Variants in IVD observed in about 807,000 individuals in gnomAD.
The protein encoded by IVD is isovaleryl-CoA dehydrogenase, mitochondrial.
A neutral mutation model predicts 51.3 loss-of-function variants in IVD; 31 were observed. That is an observed-to-expected ratio of 0.60 (90% confidence interval 0.45 to 0.81). IVD has a LOEUF of 0.81. Among genes scored for constraint, IVD ranks in the 40% least tolerant of loss-of-function variants. The probability of loss-of-function intolerance (pLI) is 0.00; values close to 1 mark genes in which losing one functional copy is unlikely to be tolerated. For missense variants in IVD, 475 were observed against 552.0 expected (o/e 0.86, Z 1.40); for synonymous variants, 205 against 219.4 (o/e 0.93, Z 0.58).
At chr15:40,427,472 C>T (rs1410108919), downstream of IVD, among the ~76,000 whole-genome samples, 3 of 152,168 alleles carry the variant, frequency 2.0e-5, no homozygotes, top group Non-Finnish European at 4.4e-5. Flanking sequence ...TGCACATCTG[C>T]CTGGGTTCCC....
At chr15:40,422,914 ATTTG>A (rs1892442600), downstream of IVD, among the ~76,000 whole-genome samples, 4 of 149,998 alleles carry the variant, frequency 2.7e-5, no homozygotes, top group Admixed American at 6.7e-5. Context: ...CAGGATTTTT[ATTTG>A]TTTGTTTATT....
Position 40,419,263 on chromosome 15 carries a change from C to A in IVD, c.*1000C>A. On this transcript the variant is annotated 3_prime_UTR_variant, in exon 12 of 12. Coordinates refer to ENST00000487418, the MANE Select transcript of IVD (RefSeq NM_002225.5). ...AGGTGGTGTGTGCCTGTAATCCCAG[C>A]ACTTTGGGAGGCCAAGGCAGGTGGA... The A allele has an allele frequency of 7.8e-7, 1 of 1,283,344 alleles. No homozygotes were observed. Among genetic ancestry groups the A allele is most frequent in the Non-Finnish European group, 1.0e-6 (1 of 983,454 alleles). 79.5% of individuals were successfully genotyped at this position (1,283,344 alleles called of 1,614,324 possible).
rs917182065 is a variant in IVD, at chr15:40,410,529, A to G, written c.287-99A>G. The G allele has an allele frequency of 5.1e-6, 7 of 1,368,660 alleles. No homozygotes were observed. The African/African-American group carries it at 1.0e-4, about 20-fold the overall frequency. The allele number at this position is 1,368,660 out of a possible 1,614,324, so 84.8% of individuals were successfully genotyped here. A position where few individuals can be genotyped will look rare whatever the true frequency, so the allele number is the denominator to read the frequency against. ...AGAGAGAATTTGGAGTAGGTGCTAC[A>G]AGGTGCTTCCCTTCTGCCGTCAAAT... On this transcript the variant is annotated intron_variant, in intron 3 of 11. Coordinates refer to ENST00000487418, the MANE Select transcript of IVD (RefSeq NM_002225.5).
chr15:40,412,954 A>G, intron 6 of IVD, 37 bp from the exon 7 acceptor site: 1 of 1,575,736 alleles, frequency 6.3e-7, no homozygotes, highest in Non-Finnish European at 8.7e-7. Flanking sequence ...CCTTGGGGCT[A>G]ATCTGTAACC....
Position 40,410,733 on chromosome 15 carries a change from AC to A in IVD, c.394del (p.Leu132SerfsTer22), listed in dbSNP as rs1566935193. Reference sequence around the variant, plus strand: ...GGGCTCAGTTACGGTGCCCACTCCAACCTCTGCATCAACCAGCTTGTACGCA... The same window carrying A: ...GGGCTCAGTTACGGTGCCCACTCCAACTCTGCATCAACCAGCTTGTACGCA... ...AVGLSYGAHS[N>X]LCINQLVRNG... is the part of the protein sequence containing the mutation. On this transcript the variant is annotated frameshift_variant, in exon 4 of 12. Coordinates refer to ENST00000487418, the MANE Select transcript of IVD (RefSeq NM_002225.5). LOFTEE classifies it high-confidence loss of function. 2.5e-6 allele frequency: 4 copies of A among 1,614,220 alleles called. No individual in the cohort carries two copies. The highest frequency in any genetic ancestry group is 3.4e-6 in the Non-Finnish European group (4 of 1,180,032).
Position 40,418,185 on chromosome 15 carries a change from G to A in IVD, c.1194G>A (p.Lys398=). 1 of 1,614,258 alleles carries A rather than the reference G, an allele frequency of 6.2e-7. No homozygotes were observed. The highest frequency in any genetic ancestry group is 8.5e-7 in the Non-Finnish European group (1 of 1,180,046). ...FPMGRFLRDA[K]LYEIGAGTSE... ...TGGGCCGCTTTCTTCGAGATGCCAAGCTGTATGAGATAGGGGCTGGGACCA... is the reference window on the plus strand; with the variant it reads ...TGGGCCGCTTTCTTCGAGATGCCAAACTGTATGAGATAGGGGCTGGGACCA... The change falls in exon 12 of 12, where the codon AAG becomes AAA. Residue 398 remains lysine, a synonymous_variant. Transcript: ENST00000487418.
chr15:40,411,683 G>A lies in IVD; in HGVS notation c.679G>A (p.Val227Met). The A allele has an allele frequency of 6.2e-7, 1 of 1,614,220 alleles. No individual in the cohort carries two copies. Among genetic ancestry groups the A allele is most frequent in the South Asian group, 1.1e-5 (1 of 91,084 alleles). ...TTCTCGGGGCATCACAGCCTTCATT[G>A]TGGAGAAGGTGAGTATAGGTGGGTG... is the stretch of plus-strand genomic sequence containing the variant. ...PASRGITAFI[V>M]EKGMPGFSTS... The change falls in exon 6 of 12, where the codon GTG becomes ATG. Residue 227 changes from valine (V) to methionine (M), a missense_variant. Physicochemically the swap from Val to Met is conservative, Grantham distance 21. Coordinates refer to ENST00000487418, the MANE Select transcript of IVD (RefSeq NM_002225.5).
At chr15:40,426,809 GC>G (rs1892697048), downstream of IVD, among the ~76,000 whole-genome samples, 1 of 152,178 alleles carries the variant, frequency 6.6e-6, no homozygotes, top group Non-Finnish European at 1.5e-5. Context: ...AAATCAGATG[GC>G]AAAAGTGTGC....
At chr15:40,429,575 C>T (rs549385898) in intron 7 of IVD, among the ~76,000 whole-genome samples, 3 of 152,322 alleles carry the variant, frequency 2.0e-5, no homozygotes, top group African/African-American at 7.2e-5. Flanking sequence ...AGGCCCTCTC[C>T]CTCCAAATAA....
intron 1 of IVD, chr15:40,406,285 A>C (rs1346724115): frequency 7.0e-7 from 1 of 1,430,172 alleles, no homozygotes; most frequent in East Asian, 3.2e-5. Context: ...TGGCCAGGCT[A>C]CCTACCGCTT....
chr15:40,421,131 G>T lies in IVD; in HGVS notation c.*2868G>T. On this transcript the variant is annotated 3_prime_UTR_variant, in exon 12 of 12. Coordinates refer to ENST00000487418, the MANE Select transcript of IVD (RefSeq NM_002225.5). ...GTTGGAGATGAATGTGACTAAAAGG[G>T]CCATCTTGCTGGCTTAATGTGTGGC... is the stretch of plus-strand genomic sequence containing the variant. The T allele has an allele frequency of 1.0e-6, 1 of 985,490 alleles. No individual in the cohort carries two copies. The highest frequency in any genetic ancestry group is 1.2e-6 in the Non-Finnish European group (1 of 829,960). The allele number at this position is 985,490 out of a possible 1,614,324, so 61.0% of individuals were successfully genotyped here. A position where few individuals can be genotyped will look rare whatever the true frequency, so the allele number is the denominator to read the frequency against.
At chr15:40,426,849 G>T (rs546617571), downstream of IVD, among the ~76,000 whole-genome samples, 1 of 152,296 alleles carries the variant, frequency 6.6e-6, no homozygotes, top group South Asian at 2.1e-4. Context: ...CCCCAGCCAG[G>T]CCCATAAACC....
chr15:40,411,492 G>C, intron 5 of IVD, 63 bp from the exon 6 acceptor site: 1 of 1,611,276 alleles, frequency 6.2e-7, no homozygotes. Flanking sequence ...TCAGCAGAAG[G>C]TCTATGGCCT....
downstream of IVD, among the ~76,000 whole-genome samples, chr15:40,425,580 T>C (rs1182497133): frequency 6.6e-6 from 1 of 152,036 alleles, no homozygotes; most frequent in African/African-American, 2.4e-5. Context: ...CTCACTCTGT[T>C]CATGATCACA....
At chr15:40,425,061 G>A (rs184803127), downstream of IVD, among the ~76,000 whole-genome samples, 1 of 152,320 alleles carries the variant, frequency 6.6e-6, no homozygotes, top group East Asian at 1.9e-4. Context: ...AGAGACAGAA[G>A]GAAGCTGTGC....
exon 9 of IVD, chr15:40,435,436 A>G: frequency 8.1e-7 from 1 of 1,231,206 alleles, no homozygotes; most frequent in Non-Finnish European, 1.0e-6. Context: ...TTTCCGCCCA[A>G]CACCCACCTG....
chr15:40,432,312 A>G (rs1893022193), intron 7 of IVD, among the ~76,000 whole-genome samples: 1 of 152,180 alleles, frequency 6.6e-6, no homozygotes, highest in Non-Finnish European at 1.5e-5. Context: ...CTTAGGTCAT[A>G]CACTCTTTGA....
At chr15:40,431,522 C>T (rs1201198488) in intron 7 of IVD, among the ~76,000 whole-genome samples, 4 of 151,888 alleles carry the variant, frequency 2.6e-5, no homozygotes, top group African/African-American at 9.7e-5. Flanking sequence ...GGTGAAACCC[C>T]GTCTCTACTA....
In IVD at chr15:40,416,380, C is replaced by T. The variant is rs371377534; in HGVS notation, c.1138+18C>T. On this transcript the variant is annotated intron_variant, in intron 11 of 11. Transcript: ENST00000487418. ...GTGTTTTGGTGAGTGATCCCCACTTCCCAGTCCCGGGGCTCCCTCACTCCT... is the reference window on the plus strand; with the variant it reads ...GTGTTTTGGTGAGTGATCCCCACTTTCCAGTCCCGGGGCTCCCTCACTCCT... 6.2e-7 allele frequency: 1 copy of T among 1,611,550 alleles called. No homozygotes were observed. Among genetic ancestry groups the T allele is most frequent in the African/African-American group, 1.3e-5 (1 of 74,894 alleles).
Sources: gnomAD v4.1 joint callset for allele counts (sites outside exome capture counted in the v4.1 genomes callset) on GRCh38, gnomAD v4.1.1 for gene constraint, MANE v1.5 for transcripts, NCBI Gene and HGNC (gene_info 2026-07-23, HGNC 2026-07-21) for gene names.